Variants in TBC1D15 observed in about 807,000 individuals in gnomAD.
TBC1D15 encodes the protein GAP for RAB7.
TBC1D15 carries 39 observed loss-of-function variants against 95.4 expected under a neutral mutation model. That is an observed-to-expected ratio of 0.41 (90% confidence interval 0.32 to 0.53). The LOEUF (loss-of-function observed/expected upper bound fraction) is 0.53, where lower values mean the gene tolerates loss of function less well. Ranked by LOEUF, TBC1D15 falls within the 20% of genes least tolerant of loss-of-function variation. The pLI, the probability that TBC1D15 is intolerant of heterozygous loss-of-function variation, is 0.29. For synonymous variants in TBC1D15, 258 were observed against 261.3 expected (o/e 0.99, Z 0.12); for missense variants, 733 against 794.3 (o/e 0.92, Z 0.93).
chr12:71,917,247 G>A (rs1345197723), intron 12 of TBC1D15, among the ~76,000 whole-genome samples: 2 of 152,012 alleles, frequency 1.3e-5, no homozygotes, highest in Non-Finnish European at 1.5e-5. Flanking sequence ...AATGGTTTTG[G>A]CTTTACAGAT....
At chr12:71,921,216 T>C (rs1043886231) in intron 15 of TBC1D15, 152 bp from the exon 16 acceptor site, 21 of 426,484 alleles carry the variant, frequency 4.9e-5, no homozygotes, top group Admixed American at 4.2e-4. Flanking sequence ...AAGAAAGATA[T>C]ATTGAATTTC....
At chr12:71,885,757 G>C (rs1215405961) in intron 5 of TBC1D15, among the ~76,000 whole-genome samples, 3 of 152,094 alleles carry the variant, frequency 2.0e-5, no homozygotes, top group African/African-American at 7.2e-5. Flanking sequence ...TAGGGATCAA[G>C]GAAGACTTCC....
intron 12 of TBC1D15, among the ~76,000 whole-genome samples, chr12:71,915,150 A>G (rs1446157328): frequency 6.6e-6 from 1 of 151,912 alleles, no homozygotes; most frequent in Admixed American, 6.6e-5. Flanking sequence ...TGATTTGTCT[A>G]CCTTCTTAGT....
chr12:71,851,179 C>T (rs929227728), intron 1 of TBC1D15, among the ~76,000 whole-genome samples: 2 of 151,862 alleles, frequency 1.3e-5, no homozygotes, highest in African/African-American at 2.4e-5. Context: ...TCACATAGAG[C>T]AGGAGGAAGG....
At chr12:71,857,341 A>G (rs1465735018) in intron 1 of TBC1D15, among the ~76,000 whole-genome samples, 7 of 152,234 alleles carry the variant, frequency 4.6e-5, no homozygotes, top group Non-Finnish European at 8.8e-5. Flanking sequence ...ATGTGAGATG[A>G]AATTATTCAC....
intron 5 of TBC1D15, among the ~76,000 whole-genome samples, chr12:71,886,737 C>G (rs1053077629): frequency 6.6e-6 from 1 of 151,944 alleles, no homozygotes; most frequent in Non-Finnish European, 1.5e-5. Flanking sequence ...TCTTGGATCT[C>G]GAAGTGAGAA....
At chr12:71,867,204 C>T (rs1355328007) in intron 1 of TBC1D15, among the ~76,000 whole-genome samples, 3 of 152,174 alleles carry the variant, frequency 2.0e-5, no homozygotes, top group Admixed American at 6.5e-5. Flanking sequence ...AGTTCTGAAG[C>T]AGCATTGTTT....
intron 8 of TBC1D15, 172 bp downstream of exon 8, chr12:71,896,247 A>C (rs1592784510): frequency 3.5e-6 from 2 of 571,376 alleles, no homozygotes; most frequent in East Asian, 6.1e-5. Context: ...GATGCCTTAA[A>C]ATTCCTGGAT....
chr12:71,900,585 G>A (rs1899163390), intron 10 of TBC1D15, among the ~76,000 whole-genome samples: 1 of 152,178 alleles, frequency 6.6e-6, no homozygotes, highest in South Asian at 2.1e-4. Flanking sequence ...CTTTCAATAA[G>A]TTATTACTTA....
intron 1 of TBC1D15, among the ~76,000 whole-genome samples, chr12:71,863,533 T>C (rs1890838179): frequency 1.3e-5 from 2 of 152,198 alleles, no homozygotes; most frequent in Non-Finnish European, 2.9e-5. Flanking sequence ...TTGAATCTAT[T>C]TGGGGACTTG....
intron 2 of TBC1D15, 68 bp downstream of exon 2, chr12:71,872,236 C>A: frequency 1.1e-6 from 1 of 935,638 alleles, no homozygotes. Context: ...GGAGAATTAT[C>A]AGAAAGTTTG....
intron 1 of TBC1D15, among the ~76,000 whole-genome samples, chr12:71,842,647 A>C (rs370327404): frequency 1.3e-5 from 2 of 151,824 alleles, no homozygotes; most frequent in Admixed American, 6.6e-5. Context: ...CTTGGGCAAC[A>C]TAACTAGACC....
chr12:71,859,641 T>C (rs763066642), intron 1 of TBC1D15, among the ~76,000 whole-genome samples: 2 of 152,024 alleles, frequency 1.3e-5, no homozygotes, highest in Non-Finnish European at 2.9e-5. Context: ...GGAGTCTCAC[T>C]ATGTTGCCCG....
chr12:71,858,149 C>T (rs772149365), intron 1 of TBC1D15, among the ~76,000 whole-genome samples: 36 of 151,664 alleles, frequency 2.4e-4, no homozygotes, highest in Non-Finnish European at 3.2e-4. Flanking sequence ...CTCGGCTCAC[C>T]GCAGCCTCCA....
At chr12:71,850,452 G>A (rs545471224) in intron 1 of TBC1D15, 12 of 220,284 alleles carry the variant, frequency 5.4e-5, no homozygotes, top group South Asian at 4.3e-4. Context: ...TTGTTCTGTC[G>A]CCCAGGCTGA....
rs1222907520 is a variant in TBC1D15 at position 71,923,226 on chromosome 12, G to T, written c.*22G>T. 1 of 1,606,208 alleles carries T rather than the reference G, an allele frequency of 6.2e-7. No individual in the cohort carries two copies. The highest frequency in any genetic ancestry group is 8.5e-7 in the Non-Finnish European group (1 of 1,173,996). ...ATGATCACTGTTCTTGCTTTTTTGG[G>T]AAGAGACACTTTGTTGCAACCCTTT... On this transcript the variant is annotated 3_prime_UTR_variant, in exon 17 of 17. Transcript: ENST00000485960.
intron 16 of TBC1D15, 91 bp downstream of exon 16, chr12:71,921,545 CTT>C: frequency 2.9e-6 from 2 of 700,732 alleles, no homozygotes; most frequent in Non-Finnish European, 4.4e-6. Flanking sequence ...AAAATAGCAA[CTT>C]TAGTAAGCTG....
chr12:71,839,891 G>C, intron 1 of TBC1D15, 80 bp downstream of exon 1: 8 of 1,539,176 alleles, frequency 5.2e-6, no homozygotes, highest in Non-Finnish European at 7.2e-6. Flanking sequence ...GGTTGGGGGA[G>C]GGACACGAGG....
chr12:71,899,220 G>A (rs1201189902), intron 10 of TBC1D15, among the ~76,000 whole-genome samples: 1 of 152,088 alleles, frequency 6.6e-6, no homozygotes, highest in Admixed American at 6.6e-5. Flanking sequence ...GTCCTTTTCT[G>A]ATCCTTTCCA....
Sources: gnomAD v4.1 joint callset for allele counts (sites outside exome capture counted in the v4.1 genomes callset) on GRCh38, gnomAD v4.1.1 for gene constraint, MANE v1.5 for transcripts, NCBI Gene and HGNC (gene_info 2026-07-23, HGNC 2026-07-21) for gene names.